The following NCF2 variants were observed in gnomAD, a reference collection of about 807,000 sequenced individuals.
The protein encoded by NCF2 is neutrophil cytosol factor 2.
In NCF2, 45 loss-of-function variants were observed where a neutral mutation model predicts 70.9. The ratio of observed to expected loss-of-function variants is 0.63; its 90% CI spans 0.50 to 0.81. The LOEUF is 0.81. NCF2 is among the 40% of genes least tolerant of loss of function. The pLI, the probability that NCF2 is intolerant of heterozygous loss-of-function variation, is 0.00. For synonymous variants in NCF2, 203 were observed against 233.6 expected (o/e 0.87, Z 1.19); for missense variants, 522 against 631.6 (o/e 0.83, Z 1.86).
chr1:183,574,871 G>A (rs557437210), intron 3 of NCF2, among the ~76,000 whole-genome samples: 1 of 152,314 alleles, frequency 6.6e-6, no homozygotes, highest in African/African-American at 2.4e-5. Flanking sequence ...CAACGAAATA[G>A]GTCAGGAAGG....
rs138932148 is a variant in NCF2 at position 183,570,867 on chromosome 1, G to T, written c.610-28C>A. The T allele has an allele frequency of 3.1e-4, 505 of 1,610,470 alleles. 3 individuals carry two copies. The African/African-American group carries it at 6.1e-3, about 19-fold the overall frequency. On this transcript the variant is annotated intron_variant, in intron 5 of 14. Transcript: ENST00000367535. ...AAAATCAAGGACAGGAGGGTGTGAG[G>T]CTCTGCCAGCACTGTTTCCATTCTT...
chr1:183,558,281 T>G (rs564030065), intron 14 of NCF2, among the ~76,000 whole-genome samples: 5 of 152,106 alleles, frequency 3.3e-5, no homozygotes, highest in South Asian at 2.1e-4. Context: ...TTTTGTTTTT[T>G]TTTTGAGACT....
At chr1:183,599,842 C>T in the NCF2 span, among the ~76,000 whole-genome samples, 3 of 152,214 alleles carry the variant, frequency 2.0e-5, no homozygotes, top group East Asian at 1.9e-4. Flanking sequence ...TGTGAGCCAC[C>T]GTACCCTGCC....
At chr1:183,591,252 T>C (rs557168374), upstream of NCF2, among the ~76,000 whole-genome samples, 12 of 152,336 alleles carry the variant, frequency 7.9e-5, no homozygotes, top group Admixed American at 5.2e-4. Context: ...TACAAAGTGA[T>C]GGAGAAAAAA....
intron 2 of NCF2, among the ~76,000 whole-genome samples, chr1:183,583,039 T>C (rs1010965881): frequency 6.6e-6 from 1 of 152,140 alleles, no homozygotes; most frequent in Admixed American, 6.5e-5. Flanking sequence ...AATTCCCTTT[T>C]GTAATCTGAG....
intron 1 of NCF2, 75 bp from the exon 2 acceptor site, chr1:183,587,052 AGC>A: frequency 7.3e-7 from 1 of 1,376,092 alleles, no homozygotes; most frequent in South Asian, 1.2e-5. Flanking sequence ...CGGCTCACAG[AGC>A]CCTAGCTCCC....
At chr1:183,586,390 G>A (rs1041466047) in intron 2 of NCF2, among the ~76,000 whole-genome samples, 5 of 152,212 alleles carry the variant, frequency 3.3e-5, no homozygotes, top group African/African-American at 7.2e-5. Flanking sequence ...AAGTGCATAC[G>A]CTACTTACTT....
At chr1:183,562,901 G>A (rs1391959275) in intron 13 of NCF2, among the ~76,000 whole-genome samples, 1 of 151,882 alleles carries the variant, frequency 6.6e-6, no homozygotes, top group Non-Finnish European at 1.5e-5. Flanking sequence ...AACCTTGCTT[G>A]ACAGTAATGG....
rs889675773 is a variant in NCF2 at position 183,559,587 on chromosome 1, G to A, written c.1468+509C>T. Among the ~76,000 whole-genome samples, 6 of 152,232 alleles carry A rather than the reference G, an allele frequency of 3.9e-5. No individual in the cohort carries two copies. The East Asian group carries it at 5.8e-4, about 15-fold the overall frequency. ...AAGATGTTTATCGCCGGCCAGGTGC[G>A]GTGGCTCATGCCTGTAATCTCAGTA... On this transcript the variant is annotated intron_variant, in intron 14 of 14. Transcript: ENST00000367535.
In NCF2 at chr1:183,571,792, T is replaced by A. The variant is rs529676655; in HGVS notation, c.610-953A>T. ...GTGGAGATCAAGCAGACATGGTCTC[T>A]GCTCTCTCAGTGCTTAGAGGCTGCA... On this transcript the variant is annotated intron_variant, in intron 5 of 14. Transcript: ENST00000367535. 7.9e-5 allele frequency among the ~76,000 whole-genome samples: 12 copies of A among 152,370 alleles called. No homozygotes were observed. In the South Asian group the frequency reaches 2.5e-3, roughly 32 times the overall value.
the NCF2 span, among the ~76,000 whole-genome samples, chr1:183,596,724 A>G: frequency 6.6e-6 from 1 of 150,534 alleles, no homozygotes; most frequent in East Asian, 1.9e-4. Flanking sequence ...CCTGGGCTAC[A>G]GAGCGAGACT....
At chr1:183,599,654 C>T in the NCF2 span, among the ~76,000 whole-genome samples, 1 of 151,712 alleles carries the variant, frequency 6.6e-6, no homozygotes. Flanking sequence ...CGGGTTCAAG[C>T]AATTCTCCTG....
rs746326365 is a variant in NCF2, at chr1:183,567,492, C to T, written c.714-147G>A. ...ACTGCCGAGATGACACTGAGCCTGC[C>T]TGGGCTCCCAAGAGGTCTCAGCAAG... On this transcript the variant is annotated intron_variant, in intron 7 of 14. Transcript: ENST00000367535. 8 of 1,123,452 alleles carry T rather than the reference C, an allele frequency of 7.1e-6. No homozygotes were observed. In the Admixed American group the frequency reaches 1.4e-4, roughly 19 times the overall value. The allele number at this position is 1,123,452 out of a possible 1,614,324, so 69.6% of individuals were successfully genotyped here. A position where few individuals can be genotyped will look rare whatever the true frequency, so the allele number is the denominator to read the frequency against.
At chr1:183,596,028 C>G in the NCF2 span, among the ~76,000 whole-genome samples, 1 of 151,910 alleles carries the variant, frequency 6.6e-6, no homozygotes, top group East Asian at 1.9e-4. Context: ...TTCTCTCTAC[C>G]TCTCCTAATG....
chr1:183,556,688 G>A (rs1322710230), intron 14 of NCF2, among the ~76,000 whole-genome samples: 4 of 151,898 alleles, frequency 2.6e-5, no homozygotes, highest in Admixed American at 1.3e-4. Flanking sequence ...GTGCCACCAC[G>A]CTTGGTTAAT....
chr1:183,577,018 C>G (rs1040564427), intron 3 of NCF2, among the ~76,000 whole-genome samples: 1 of 152,176 alleles, frequency 6.6e-6, no homozygotes, highest in African/African-American at 2.4e-5. Flanking sequence ...TTGCAGAAAC[C>G]TTTACCTAAA....
At chr1:183,566,041 T>C (rs1397078722) in intron 9 of NCF2, among the ~76,000 whole-genome samples, 3 of 152,234 alleles carry the variant, frequency 2.0e-5, no homozygotes, top group Admixed American at 1.3e-4. Context: ...CTTTAGCAAC[T>C]CTTTCAGCCA....
At position 183,556,231 on chromosome 1, in the gene NCF2, C is replaced by CTGAT. The variant is rs775939432; in HGVS notation, c.1469-5_1469-2dup. 3.7e-5 allele frequency: 60 copies of CTGAT among 1,613,120 alleles called. No homozygotes were observed. In the Admixed American group the frequency reaches 6.3e-4, roughly 17 times the overall value. On this transcript the variant is annotated splice_acceptor_variant, in intron 14 of 14. Transcript: ENST00000367535. LOFTEE classifies it high-confidence loss of function. Reference sequence around the variant, plus strand: ...TCCCCTTCCAGCCATTCTTCATTCACTGATAAAAGGAAAAGTACACATGGA... The same window carrying CTGAT: ...TCCCCTTCCAGCCATTCTTCATTCACTGATTGATAAAAGGAAAAGTACACATGGA...
rs1262104571 is a variant in NCF2 at position 183,577,594 on chromosome 1, C to T, written c.366+5G>A. 12 of 1,603,084 alleles carry T rather than the reference C, an allele frequency of 7.5e-6. No homozygotes were observed. The highest frequency in any genetic ancestry group is 1.0e-5 in the Non-Finnish European group (12 of 1,169,966). ...CCTGCCCAGGCCAGGCCCTGTTCTC[C>T]TTACCTCACAGGCAAACAGCTTGAA... On this transcript the variant is annotated splice_donor_5th_base_variant and intron_variant, in intron 3 of 14. Transcript: ENST00000367535.
Sources: gnomAD v4.1 joint callset for allele counts (sites outside exome capture counted in the v4.1 genomes callset) on GRCh38, gnomAD v4.1.1 for gene constraint, MANE v1.5 for transcripts, NCBI Gene and HGNC (gene_info 2026-07-23, HGNC 2026-07-21) for gene names.